The following NR2C1 variants were observed in gnomAD, a reference collection of about 807,000 sequenced individuals.
NR2C1 encodes TR2 nuclear hormone receptor.
In NR2C1, 33 loss-of-function variants were observed where a neutral mutation model predicts 74.8. The observed-to-expected ratio is 0.44, with a 90% CI of 0.33 to 0.59. NR2C1 has a LOEUF of 0.59. Among genes scored for constraint, NR2C1 ranks in the 20% least tolerant of loss-of-function variants. The pLI, the probability that NR2C1 is intolerant of heterozygous loss-of-function variation, is 0.02. For missense variants in NR2C1, 568 were observed against 715.6 expected (o/e 0.79, Z 2.35); for synonymous variants, 225 against 240.6 (o/e 0.94, Z 0.60).
At chr12:95,072,413 A>G (rs940320801) in intron 1 of NR2C1, among the ~76,000 whole-genome samples, 1 of 141,410 alleles carries the variant, frequency 7.1e-6, no homozygotes, top group African/African-American at 2.7e-5. Context: ...AGATCGCGCC[A>G]CCGCACTCCA....
At position 95,022,080 on chromosome 12, in the gene NR2C1, T is replaced by C; in HGVS notation, c.*149A>G. On this transcript the variant is annotated 3_prime_UTR_variant, in exon 14 of 14. Coordinates refer to ENST00000333003, the MANE Select transcript of NR2C1 (RefSeq NM_003297.4). ...GCTGCCTGCCCAGTCACTTCAAAAA[T>C]TCTTAAGGGAAGCTAAAATAAAAAT... is the stretch of plus-strand genomic sequence containing the variant. 2 of 560,738 alleles carry C rather than the reference T, an allele frequency of 3.6e-6. No homozygotes were observed. Among genetic ancestry groups the C allele is most frequent in the Non-Finnish European group, 5.8e-6 (2 of 342,786 alleles). 34.7% of individuals were successfully genotyped at this position (560,738 alleles called of 1,614,324 possible).
intron 13 of NR2C1, among the ~76,000 whole-genome samples, chr12:95,022,872 T>G (rs570928046): frequency 0.049 from 5,388 of 111,092 alleles, 157 homozygotes; most frequent in Middle Eastern, 0.12. Flanking sequence ...TTGTGTTTGT[T>G]TTTTTTTTTT....
At chr12:95,054,008 T>C (rs1376650365) in intron 7 of NR2C1, among the ~76,000 whole-genome samples, 1 of 152,092 alleles carries the variant, frequency 6.6e-6, no homozygotes, top group Non-Finnish European at 1.5e-5. Flanking sequence ...AATACTAAAA[T>C]AACACATATG....
At chr12:95,029,280 C>G (rs1276488484) in intron 11 of NR2C1, among the ~76,000 whole-genome samples, 2 of 151,726 alleles carry the variant, frequency 1.3e-5, no homozygotes, top group Non-Finnish European at 1.5e-5. Flanking sequence ...GGGGTTTCAC[C>G]ATGTTGGCCA....
chr12:95,047,372 A>G (rs1012378763), intron 9 of NR2C1, among the ~76,000 whole-genome samples: 2 of 152,118 alleles, frequency 1.3e-5, no homozygotes, highest in African/African-American at 2.4e-5. Flanking sequence ...TAGAGTGTAG[A>G]AAAAAAATTT....
At chr12:95,055,485 A>G (rs1873694141) in intron 7 of NR2C1, among the ~76,000 whole-genome samples, 1 of 152,240 alleles carries the variant, frequency 6.6e-6, no homozygotes, top group Non-Finnish European at 1.5e-5. Flanking sequence ...CTTATTTTAC[A>G]GATGAGAAAG....
At chr12:95,028,315 A>G (rs1869625140) in intron 12 of NR2C1, 72 bp downstream of exon 12, 3 of 1,295,340 alleles carry the variant, frequency 2.3e-6, no homozygotes, top group African/African-American at 3.0e-5. Context: ...CCCCACTTGC[A>G]ACATATGAGG....
intron 4 of NR2C1, 91 bp from the exon 5 acceptor site, chr12:95,058,580 A>T (rs947591471): frequency 2.1e-6 from 2 of 968,982 alleles, no homozygotes; most frequent in African/African-American, 3.3e-5. Flanking sequence ...AACAACATAT[A>T]AGATGAAACT....
At chr12:95,028,573 A>T in intron 11 of NR2C1, 49 bp from the exon 12 acceptor site, 1 of 1,252,934 alleles carries the variant, frequency 8.0e-7, no homozygotes, top group Non-Finnish European at 1.1e-6. Context: ...TAAAATGAAC[A>T]ACTACTTTCA....
At chr12:95,034,367 TAAAC>T (rs938158681) in intron 10 of NR2C1, among the ~76,000 whole-genome samples, 1 of 152,100 alleles carries the variant, frequency 6.6e-6, no homozygotes, top group African/African-American at 2.4e-5. Flanking sequence ...ATATCAATCT[TAAAC>T]AAAATCAAAG....
intron 9 of NR2C1, among the ~76,000 whole-genome samples, chr12:95,047,170 C>G (rs531371571): frequency 6.6e-6 from 1 of 152,254 alleles, no homozygotes; most frequent in Non-Finnish European, 1.5e-5. Flanking sequence ...TCCTTCCTCC[C>G]ATTTAAATCC....
rs1057472234 is a variant in NR2C1, at chr12:95,029,849, G to A, written c.1394-1325C>T. The stretch of plus-strand genomic sequence containing the variant: ...TGGGATTACAGGCGTGAGCTACCGC[G>A]CCCAACACCCCCCTCCCCACCCTTT... On this transcript the variant is annotated intron_variant, in intron 11 of 13. Transcript: ENST00000333003. Among the ~76,000 whole-genome samples, 16 of 152,036 alleles carry A rather than the reference G, an allele frequency of 1.1e-4. No homozygotes were observed. In the East Asian group the frequency reaches 1.2e-3, roughly 11 times the overall value.
chr12:95,056,760 C>T (rs1213019881), intron 7 of NR2C1, among the ~76,000 whole-genome samples: 1 of 152,068 alleles, frequency 6.6e-6, no homozygotes, highest in Non-Finnish European at 1.5e-5. Context: ...CGATCGAGAC[C>T]ATCCTGGCTA....
intron 8 of NR2C1, 133 bp downstream of exon 8, chr12:95,051,629 C>G: frequency 1.4e-6 from 1 of 733,538 alleles, no homozygotes; most frequent in Admixed American, 3.3e-5. Flanking sequence ...AAGAGATAAT[C>G]AACCTGTATT....
chr12:95,044,652 G>C (rs1592751790), intron 9 of NR2C1, among the ~76,000 whole-genome samples: 1 of 152,062 alleles, frequency 6.6e-6, no homozygotes, highest in Non-Finnish European at 1.5e-5. Context: ...TGGGGGGGCC[G>C]AGGTGGGCGG....
chr12:95,070,491 AAAGT>A (rs1409705107), intron 1 of NR2C1, among the ~76,000 whole-genome samples: 1 of 152,162 alleles, frequency 6.6e-6, no homozygotes, highest in African/African-American at 2.4e-5. Flanking sequence ...CCTTCCTAGA[AAAGT>A]AATTTGCCAA....
intron 4 of NR2C1, among the ~76,000 whole-genome samples, chr12:95,058,898 G>A (rs544144757): frequency 6.6e-6 from 1 of 152,192 alleles, no homozygotes; most frequent in East Asian, 1.9e-4. Context: ...AAAGTGCTGG[G>A]ATTACAGGCA....
At chr12:95,029,341 A>G (rs981846846) in intron 11 of NR2C1, among the ~76,000 whole-genome samples, 2 of 151,142 alleles carry the variant, frequency 1.3e-5, no homozygotes, top group Non-Finnish European at 3.0e-5. Flanking sequence ...TCAGCCTCCC[A>G]AAGTGTGAGC....
intron 9 of NR2C1, among the ~76,000 whole-genome samples, chr12:95,047,527 G>C (rs185412651): frequency 2.6e-5 from 4 of 152,130 alleles, no homozygotes; most frequent in Non-Finnish European, 4.4e-5. Context: ...AAATTTTATA[G>C]ATACAAATAT....
Sources: gnomAD v4.1 joint callset for allele counts (sites outside exome capture counted in the v4.1 genomes callset) on GRCh38, gnomAD v4.1.1 for gene constraint, MANE v1.5 for transcripts, NCBI Gene and HGNC (gene_info 2026-07-23, HGNC 2026-07-21) for gene names.